CSMD1: variants seen among roughly 807,000 people sequenced by gnomAD.
The protein encoded by CSMD1 is CUB and Sushi multiple domains 1.
In CSMD1, 213 loss-of-function variants were observed where a neutral mutation model predicts 417.5. That is an observed-to-expected ratio of 0.51 (90% confidence interval 0.46 to 0.57). The LOEUF (loss-of-function observed/expected upper bound fraction) is 0.57. Ranked by LOEUF, CSMD1 falls within the 20% of genes least tolerant of loss-of-function variation. CSMD1 has a pLI of 0.00. For missense variants in CSMD1, 6,923 were observed against 4,529.7 expected (o/e 1.53, Z -15.17); for synonymous variants, 2,862 against 1,736.8 (o/e 1.65, Z -16.11).
intron 2 of CSMD1, among the ~76,000 whole-genome samples, chr8:4,570,804 CTG>C (rs1452412304): frequency 5.3e-5 from 8 of 152,082 alleles, no homozygotes; most frequent in Non-Finnish European, 8.8e-5. Context: ...CTATTAATCA[CTG>C]TGTCAATTTT....
At chr8:3,405,880 C>G (rs1190161095) in intron 15 of CSMD1, 147 bp downstream of exon 15, 1 of 667,434 alleles carries the variant, frequency 1.5e-6, no homozygotes, top group Non-Finnish European at 2.4e-6. Context: ...AACTGGGAGA[C>G]TGTACACTCC....
At chr8:3,006,631 T>C (rs1219293796) in intron 52 of CSMD1, among the ~76,000 whole-genome samples, 41 of 150,256 alleles carry the variant, frequency 2.7e-4, no homozygotes, top group Non-Finnish European at 5.8e-4. Context: ...TATCTACAAC[T>C]ATCTGATCTT....
intron 4 of CSMD1, among the ~76,000 whole-genome samples, chr8:4,001,467 C>CT (rs1437830253): frequency 2.6e-5 from 4 of 152,122 alleles, no homozygotes; most frequent in Non-Finnish European, 4.4e-5. Flanking sequence ...AAAGAGGGTT[C>CT]TTTTTTATTT....
At chr8:4,952,196 T>G (rs977918517) in intron 1 of CSMD1, among the ~76,000 whole-genome samples, 2 of 152,042 alleles carry the variant, frequency 1.3e-5, no homozygotes, top group African/African-American at 4.8e-5. Context: ...AGTAATGTAA[T>G]CAAAACGTAA....
chr8:3,349,543 G>A (rs946212603), intron 21 of CSMD1, among the ~76,000 whole-genome samples: 3 of 151,940 alleles, frequency 2.0e-5, no homozygotes, highest in African/African-American at 7.3e-5. Flanking sequence ...CTCTCGGGGT[G>A]CAAGTGTTGA....
At chr8:3,902,043 T>A (rs1384024901) in intron 5 of CSMD1, among the ~76,000 whole-genome samples, 5 of 152,186 alleles carry the variant, frequency 3.3e-5, no homozygotes, top group Admixed American at 6.5e-5. Flanking sequence ...TTGTTCTTCT[T>A]TTGCAATGAT....
chr8:3,919,870 T>C (rs1809107648), intron 5 of CSMD1, among the ~76,000 whole-genome samples: 2 of 152,154 alleles, frequency 1.3e-5, no homozygotes, highest in African/African-American at 4.8e-5. Context: ...TTTCCCCAAG[T>C]ATTTCATTCT....
chr8:3,291,761 T>C (rs1017378834), intron 25 of CSMD1, among the ~76,000 whole-genome samples: 1 of 152,122 alleles, frequency 6.6e-6, no homozygotes, highest in African/African-American at 2.4e-5. Context: ...GTTTTGTTGA[T>C]CTGTCCAAAA....
intron 7 of CSMD1, among the ~76,000 whole-genome samples, chr8:3,697,645 C>A (rs1383166414): frequency 6.6e-6 from 1 of 151,974 alleles, no homozygotes; most frequent in Non-Finnish European, 1.5e-5. Context: ...TCTGTGGGCG[C>A]CAAACATGAA....
At chr8:4,096,597 T>C (rs1801024294) in intron 3 of CSMD1, among the ~76,000 whole-genome samples, 1 of 152,208 alleles carries the variant, frequency 6.6e-6, no homozygotes, top group South Asian at 2.1e-4. Flanking sequence ...TAAGTTTGTA[T>C]TGTGTAATCT....
intron 18 of CSMD1, 87 bp from the exon 19 acceptor site, chr8:3,369,457 G>T: frequency 1.5e-6 from 1 of 676,520 alleles, no homozygotes; most frequent in South Asian, 1.8e-5. Context: ...CATGCAATTT[G>T]CACAAGGATT....
intron 5 of CSMD1, among the ~76,000 whole-genome samples, chr8:3,906,297 A>T (rs1808104721): frequency 1.3e-5 from 2 of 152,216 alleles, no homozygotes; most frequent in Admixed American, 6.5e-5. Context: ...CATAGGGAAA[A>T]AAAAAACCCC....
At chr8:4,384,068 C>G (rs1035774849) in intron 3 of CSMD1, among the ~76,000 whole-genome samples, 11 of 152,016 alleles carry the variant, frequency 7.2e-5, no homozygotes, top group Admixed American at 2.6e-4. Flanking sequence ...TTTTTTTGCA[C>G]CGTCTCAGAT....
At chr8:4,650,194 A>T (rs1263709786) in intron 1 of CSMD1, among the ~76,000 whole-genome samples, 3 of 151,688 alleles carry the variant, frequency 2.0e-5, no homozygotes, top group Admixed American at 6.6e-5. Flanking sequence ...AAATCCAAAA[A>T]ATTAGCCGGG....
intron 49 of CSMD1, among the ~76,000 whole-genome samples, chr8:3,063,815 G>A: frequency 6.6e-6 from 1 of 152,200 alleles, no homozygotes; most frequent in East Asian, 1.9e-4. Context: ...GCTTGTAGGG[G>A]CTGGAGGAGG....
chr8:3,844,266 G>C (rs1175287597), intron 5 of CSMD1, among the ~76,000 whole-genome samples: 2 of 152,118 alleles, frequency 1.3e-5, no homozygotes, highest in Non-Finnish European at 2.9e-5. Context: ...CTGACGGATG[G>C]GTGGGTGATA....
At chr8:3,138,496 G>C (rs143301143) in intron 41 of CSMD1, among the ~76,000 whole-genome samples, 9 of 152,330 alleles carry the variant, frequency 5.9e-5, no homozygotes, top group African/African-American at 1.9e-4. Context: ...GAATGGGAGA[G>C]ATTTGGTGGG....
chr8:4,488,780 C>G (rs1432585674), intron 2 of CSMD1, among the ~76,000 whole-genome samples: 1 of 152,080 alleles, frequency 6.6e-6, no homozygotes, highest in Non-Finnish European at 1.5e-5. Flanking sequence ...CCTGCGTATC[C>G]AAAAAGGAAA....
At chr8:4,316,040 C>T (rs971453761) in intron 3 of CSMD1, among the ~76,000 whole-genome samples, 2 of 151,794 alleles carry the variant, frequency 1.3e-5, no homozygotes, top group African/African-American at 2.4e-5. Flanking sequence ...TTGAAAATAT[C>T]CCACTGAGAA....
Sources: gnomAD v4.1 joint callset for allele counts (sites outside exome capture counted in the v4.1 genomes callset) on GRCh38, gnomAD v4.1.1 for gene constraint, MANE v1.5 for transcripts, NCBI Gene and HGNC (gene_info 2026-07-23, HGNC 2026-07-21) for gene names.